Variants in ZNF527 observed in about 807,000 individuals in gnomAD.
ZNF527 encodes zinc finger protein 527.
Under a neutral mutation model 13.5 loss-of-function variants are expected in ZNF527, and 5 were observed. The observed-to-expected ratio is 0.37, with a 90% CI of 0.19 to 0.78. The LOEUF (loss-of-function observed/expected upper bound fraction) is 0.78. Ranked by LOEUF, ZNF527 falls within the 30% of genes least tolerant of loss-of-function variation. The pLI, the probability that ZNF527 is intolerant of heterozygous loss-of-function variation, is 0.48. For synonymous variants in ZNF527, 209 were observed against 243.1 expected (o/e 0.86, Z 1.30); for missense variants, 628 against 726.4 (o/e 0.86, Z 1.56).
intron 4 of ZNF527, among the ~76,000 whole-genome samples, chr19:37,384,552 A>G (rs1440227013): frequency 1.3e-5 from 2 of 152,076 alleles, no homozygotes; most frequent in Non-Finnish European, 2.9e-5. Context: ...TGGAACATGG[A>G]AGTGCATGTT....
At chr19:37,387,106 A>G (rs1375013300) in intron 4 of ZNF527, among the ~76,000 whole-genome samples, 1 of 152,180 alleles carries the variant, frequency 6.6e-6, no homozygotes, top group African/African-American at 2.4e-5. Flanking sequence ...TTTTGTTCTG[A>G]CCTATACTGG....
chr19:37,388,460 G>A lies in ZNF527; in HGVS notation c.411G>A (p.Glu137=). The change falls in exon 5 of 5, where the codon GAG becomes GAA. Residue 137 remains glutamate (E), a synonymous_variant. Coordinates refer to ENST00000436120, the MANE Select transcript of ZNF527 (RefSeq NM_032453.2). ...CCTGGAAATATAAGGGTGAATTTGA[G>A]CTACATCAGGGAAATGCGGAGAGGC... The part of the protein sequence containing the change: ...REAWKYKGEF[E]LHQGNAERHF... 6.2e-7 allele frequency: 1 copy of A among 1,614,156 alleles called. No homozygotes were observed. The highest frequency in any genetic ancestry group is 8.5e-7 in the Non-Finnish European group (1 of 1,180,030).
chr19:37,392,642 G>A lies in ZNF527; in HGVS notation c.*2763G>A, dbSNP rs1004227805. On this transcript the variant is annotated 3_prime_UTR_variant, in exon 5 of 5. Coordinates refer to ENST00000436120, the MANE Select transcript of ZNF527 (RefSeq NM_032453.2). ...TGGCCTGAAGTGATTTGCCCATCTCGGCTTCCCAAAGTGCTGAGATTATAG... is the reference window on the plus strand; with the variant it reads ...TGGCCTGAAGTGATTTGCCCATCTCAGCTTCCCAAAGTGCTGAGATTATAG... 6.6e-6 allele frequency: 1 copy of A among 152,058 alleles called. No homozygotes were observed. Among genetic ancestry groups the A allele is most frequent in the Admixed American group, 6.6e-5 (1 of 15,256 alleles). 9.4% of individuals were successfully genotyped at this position (152,058 alleles called of 1,614,324 possible).
intron 1 of ZNF527, among the ~76,000 whole-genome samples, chr19:37,372,145 G>T (rs141040272): frequency 6.6e-6 from 1 of 151,142 alleles, no homozygotes; most frequent in Non-Finnish European, 1.5e-5. Flanking sequence ...GATTACAGGC[G>T]CGCACCACCA....
chr19:37,376,581 G>A (rs910958357), intron 2 of ZNF527, among the ~76,000 whole-genome samples: 5 of 151,100 alleles, frequency 3.3e-5, no homozygotes, highest in Non-Finnish European at 5.9e-5. Context: ...GTCTGAGGCA[G>A]GAGAATCGCT....
Position 37,388,778 on chromosome 19 carries a change from G to T in ZNF527, c.729G>T (p.Glu243Asp), listed in dbSNP as rs781078501. The change falls in exon 5 of 5, where the codon GAG (glutamate) becomes GAT (aspartate). Residue 243 changes from glutamate to aspartate, a missense_variant. Around this residue, in one of 3 missense-constraint regions of ZNF527, gnomAD observed 592 missense variants for 678.0 expected, o/e 0.87. Transcript: ENST00000436120. ...AAGATATAGGAATTCCTCCTGGGGAGAAACCTTATGAAAGTCATGATTTTT... is the reference window on the plus strand; with the variant it reads ...AAGATATAGGAATTCCTCCTGGGGATAAACCTTATGAAAGTCATGATTTTT... ...LSKDIGIPPG[E>D]KPYESHDFSK... 6.2e-7 allele frequency: 1 copy of T among 1,612,930 alleles called. No homozygotes were observed. Among genetic ancestry groups the T allele is most frequent in the Non-Finnish European group, 8.5e-7 (1 of 1,179,814 alleles).
Position 37,388,474 on chromosome 19 carries a change from A to C in ZNF527, c.425A>C (p.Asn142Thr). 6.2e-7 allele frequency: 1 copy of C among 1,614,202 alleles called. No individual in the cohort carries two copies. The highest frequency in any genetic ancestry group is 8.5e-7 in the Non-Finnish European group (1 of 1,180,020). ...YKGEFELHQG[N>T]AERHFMQVTA... ...GGTGAATTTGAGCTACATCAGGGAA[A>C]TGCGGAGAGGCATTTCATGCAAGTG... Residue 142 changes from asparagine (N) to threonine (T), a missense_variant, in exon 5 of 5, where the codon AAT becomes ACT. Physicochemically the swap from Asn to Thr is moderately conservative, Grantham distance 65 (BLOSUM62 0). Coordinates refer to ENST00000436120, the MANE Select transcript of ZNF527 (RefSeq NM_032453.2).
In ZNF527 at chr19:37,371,846, C is replaced by A. The variant is rs567283271; in HGVS notation, c.-42+620C>A. Among the ~76,000 whole-genome samples, 91 of 152,178 alleles carry A rather than the reference C, an allele frequency of 6.0e-4. 2 individuals are homozygous for A. The highest frequency in any genetic ancestry group is 4.1e-3 in the Admixed American group (63 of 15,288). On this transcript the variant is annotated intron_variant, in intron 1 of 4. Transcript: ENST00000436120. ...ATGGGTGTGTTTGTGTGACTCTATA[C>A]ATTTGTGATTGGGTGAGAATTTGTG... is the stretch of plus-strand genomic sequence containing the variant.
At chr19:37,380,106 C>T in intron 3 of ZNF527, 171 bp from the exon 4 acceptor site, 1 of 1,274,238 alleles carries the variant, frequency 7.8e-7, no homozygotes, top group Non-Finnish European at 1.0e-6. Flanking sequence ...AAGCTTCATC[C>T]TCCTCCTCAT....
Position 37,380,521 on chromosome 19 carries a change from T to C in ZNF527, c.256+149T>C, listed in dbSNP as rs538951427. On this transcript the variant is annotated intron_variant, in intron 4 of 4. Transcript: ENST00000436120. ...GAAACCTCACCACACCCTGGGGTTTTTTCTTTTTCTTTCCATCAAATTATA... is the reference window on the plus strand; with the variant it reads ...GAAACCTCACCACACCCTGGGGTTTCTTCTTTTTCTTTCCATCAAATTATA... The C allele has an allele frequency of 1.7e-4, 90 of 533,396 alleles. No homozygotes were observed. In the East Asian group the frequency reaches 2.7e-3, roughly 16 times the overall value. The allele number at this position is 533,396 out of a possible 1,614,324, so 33.0% of individuals were successfully genotyped here. A position where few individuals can be genotyped will look rare whatever the true frequency, so the allele number is the denominator to read the frequency against.
intron 2 of ZNF527, among the ~76,000 whole-genome samples, chr19:37,377,698 G>C (rs1280650106): frequency 2.0e-5 from 3 of 152,162 alleles, no homozygotes; most frequent in African/African-American, 7.2e-5. Flanking sequence ...TCCAGAGACA[G>C]AGAGCTGGGT....
intron 4 of ZNF527, among the ~76,000 whole-genome samples, chr19:37,382,542 T>C (rs1275383416): frequency 6.6e-6 from 1 of 152,244 alleles, no homozygotes; most frequent in Non-Finnish European, 1.5e-5. Context: ...TGTTCAATTT[T>C]AGTATACACA....
At position 37,389,240 on chromosome 19, in the gene ZNF527, G is replaced by A; in HGVS notation, c.1191G>A (p.Gln397=). The change falls in exon 5 of 5, where the codon CAG becomes CAA. Residue 397 remains glutamine, a synonymous_variant. Coordinates refer to ENST00000436120, the MANE Select transcript of ZNF527 (RefSeq NM_032453.2). ...ECKECNKAFR[Q]SAHLNQHQRI... Reference sequence around the variant, plus strand: ...AAGAATGTAATAAAGCCTTCAGACAGAGTGCTCACCTTAATCAACATCAGA... The same window carrying A: ...AAGAATGTAATAAAGCCTTCAGACAAAGTGCTCACCTTAATCAACATCAGA... 2 of 1,614,164 alleles carry A rather than the reference G, an allele frequency of 1.2e-6. No homozygotes were observed. The highest frequency in any genetic ancestry group is 1.7e-6 in the Non-Finnish European group (2 of 1,180,018).
chr19:37,374,991 A>C (rs1420259956), intron 2 of ZNF527, among the ~76,000 whole-genome samples: 1 of 152,182 alleles, frequency 6.6e-6, no homozygotes, highest in Non-Finnish European at 1.5e-5. Flanking sequence ...TGGAGATAGA[A>C]AATGCGATTT....
intron 3 of ZNF527, 75 bp from the exon 4 acceptor site, chr19:37,380,202 C>T: frequency 1.3e-6 from 2 of 1,585,756 alleles, no homozygotes; most frequent in Non-Finnish European, 1.7e-6. Flanking sequence ...GCGTCCTAGA[C>T]AGCTGTGGCA....
In ZNF527 at chr19:37,391,860, C is replaced by T. The variant is rs1008122918; in HGVS notation, c.*1981C>T. 2 of 152,026 alleles carry T rather than the reference C, an allele frequency of 1.3e-5. No individual in the cohort carries two copies. Among genetic ancestry groups the T allele is most frequent in the East Asian group, 1.9e-4 (1 of 5,190 alleles). The allele number at this position is 152,026 out of a possible 1,614,324, so 9.4% of individuals were successfully genotyped here. A position where few individuals can be genotyped will look rare whatever the true frequency, so the allele number is the denominator to read the frequency against. ...TAAACTGGTGATATGGCAGCTGGGC[C>T]ATCTTGAATAGTGAGAACCAGTAAG... is the stretch of plus-strand genomic sequence containing the variant. On this transcript the variant is annotated 3_prime_UTR_variant, in exon 5 of 5. Transcript: ENST00000436120.
At chr19:37,377,611 A>G (rs2040618813) in intron 2 of ZNF527, among the ~76,000 whole-genome samples, 1 of 152,218 alleles carries the variant, frequency 6.6e-6, no homozygotes, top group African/African-American at 2.4e-5. Context: ...ATCAGGACAT[A>G]GAGAAACTAT....
intron 2 of ZNF527, among the ~76,000 whole-genome samples, chr19:37,375,311 T>TTTCTTTCCTTTC (rs760003304): frequency 2.5e-5 from 2 of 79,838 alleles, no homozygotes; most frequent in South Asian, 4.8e-4. Context: ...TCTTTCTTTC[T>TTTCTTTCCTTTC]TTTCTTTCTT....
intron 4 of ZNF527, among the ~76,000 whole-genome samples, chr19:37,383,258 T>A (rs146833547): frequency 6.6e-6 from 1 of 151,928 alleles, no homozygotes; most frequent in East Asian, 1.9e-4. Flanking sequence ...TTTTTTGAGA[T>A]GGAGCCTTGC....
Sources: allele counts gnomAD v4.1 joint callset (sites outside exome capture counted in the v4.1 genomes callset), GRCh38; gene constraint gnomAD v4.1.1; regional missense constraint gnomAD v4.1.1; transcripts MANE v1.5; gene names NCBI Gene and HGNC (gene_info 2026-07-23, HGNC 2026-07-21).